The following ADGRG5 variants were observed in gnomAD, a reference collection of about 807,000 sequenced individuals.
ADGRG5 encodes the protein G protein-coupled receptor 114.
In ADGRG5, 37 loss-of-function variants were observed where a neutral mutation model predicts 53.2. The ratio of observed to expected loss-of-function variants is 0.70; its 90% CI spans 0.53 to 0.91. The LOEUF (loss-of-function observed/expected upper bound fraction) is 0.91, where lower values mean the gene tolerates loss of function less well. Ranked by LOEUF, ADGRG5 falls within the 40% of genes least tolerant of loss-of-function variation. ADGRG5 has a pLI of 0.00. For missense variants in ADGRG5, 614 were observed against 675.8 expected (o/e 0.91, Z 1.01); for synonymous variants, 277 against 290.4 (o/e 0.95, Z 0.47).
At chr16:57,547,856 C>A (rs757830684) in intron 1 of ADGRG5, among the ~76,000 whole-genome samples, 1 of 151,682 alleles carries the variant, frequency 6.6e-6, no homozygotes, top group Non-Finnish European at 1.5e-5. Flanking sequence ...CTCAAGCAGT[C>A]CTCTTGCCTC....
At chr16:57,542,972 G>T (rs1245821372) in intron 1 of ADGRG5, 1 of 152,328 alleles carries the variant, frequency 6.6e-6, no homozygotes, top group Non-Finnish European at 1.5e-5. Context: ...TCCCCGCGAG[G>T]TCTGGGACAA....
chr16:57,557,685 A>G (rs2032913415), intron 1 of ADGRG5, among the ~76,000 whole-genome samples: 1 of 152,004 alleles, frequency 6.6e-6, no homozygotes, highest in Non-Finnish European at 1.5e-5. Flanking sequence ...TTATATTTCA[A>G]TTTGGATAAT....
intron 9 of ADGRG5, among the ~76,000 whole-genome samples, chr16:57,569,280 C>G (rs1331401105): frequency 6.6e-6 from 1 of 150,584 alleles, no homozygotes; most frequent in Non-Finnish European, 1.5e-5. Context: ...TCACCTCCAT[C>G]ATCACCTCCT....
At chr16:57,535,789 G>A in the ADGRG5 span, among the ~76,000 whole-genome samples, 1 of 152,132 alleles carries the variant, frequency 6.6e-6, no homozygotes, top group African/African-American at 2.4e-5. Context: ...ATGGGGAGAG[G>A]CACTAAAAAG....
rs1419257822 is a variant in ADGRG5 at position 57,575,077 on chromosome 16, T to C, written c.1471T>C (p.Leu491=). 6.2e-7 allele frequency: 1 copy of C among 1,613,148 alleles called. No homozygotes were observed. Among genetic ancestry groups the C allele is most frequent in the African/African-American group, 1.3e-5 (1 of 75,014 alleles). The change falls in exon 11 of 12, where the codon TTA becomes CTA. Residue 491 remains leucine, a synonymous_variant. Coordinates refer to ENST00000349457, the MANE Select transcript of ADGRG5 (RefSeq NM_001304376.3). ...LLPQLFLFTI[L]NSLYGFFLFL... is the part of the protein sequence containing the mutation. ...GCCCCAGCTGTTCCTCTTCACCATC[T>C]TAAACTCGCTCTACGGTAGGGCTGG...
intron 1 of ADGRG5, among the ~76,000 whole-genome samples, chr16:57,556,222 A>C (rs1394210183): frequency 6.6e-6 from 1 of 152,154 alleles, no homozygotes; most frequent in Admixed American, 6.5e-5. Flanking sequence ...TGTTTCTTGA[A>C]GACAGTATGT....
intron 1 of ADGRG5, among the ~76,000 whole-genome samples, chr16:57,557,045 G>C (rs1213452624): frequency 6.6e-6 from 1 of 151,624 alleles, no homozygotes; most frequent in Non-Finnish European, 1.5e-5. Flanking sequence ...GAATAGCTGG[G>C]ACTACAGGTG....
At chr16:57,552,185 G>A (rs2032772160) in intron 1 of ADGRG5, among the ~76,000 whole-genome samples, 1 of 152,154 alleles carries the variant, frequency 6.6e-6, no homozygotes, top group African/African-American at 2.4e-5. Context: ...AGGATTTTCA[G>A]GATGTTAAAT....
rs1284407499 is a variant in ADGRG5 at position 57,574,733 on chromosome 16, G to A, written c.1209-82G>A. The A allele has an allele frequency of 1.1e-5, 15 of 1,422,200 alleles. No homozygotes were observed. The highest frequency in any genetic ancestry group is 4.2e-5 in the South Asian group (3 of 71,180). 88.1% of individuals were successfully genotyped at this position (1,422,200 alleles called of 1,614,324 possible). ...ACAATAGGGCCTGAGCCAGGAGACC[G>A]AGTGGGGCTTCAGGGAGTGATGCTG... On this transcript the variant is annotated intron_variant, in intron 10 of 11. Coordinates refer to ENST00000349457, the MANE Select transcript of ADGRG5 (RefSeq NM_001304376.3). The surrounding 1 kb of genome is among the most constrained non-coding windows in gnomAD (Gnocchi z 4.4).
chr16:57,545,837 A>G (rs4784826), intron 1 of ADGRG5, among the ~76,000 whole-genome samples: 1 of 151,902 alleles, frequency 6.6e-6, no homozygotes, highest in Non-Finnish European at 1.5e-5. Context: ...ATTTATTTTT[A>G]TTTTTTGAGA....
At position 57,566,690 on chromosome 16, in the gene ADGRG5, A is replaced by T. The variant is rs1225122247; in HGVS notation, c.638A>T (p.Gln213Leu). Reference protein sequence around the residue: ...GWSPEGCRTEQPSHSQVLCRC... With the variant: ...GWSPEGCRTELPSHSQVLCRC... Reference sequence around the variant, plus strand: ...AGCCCTGAGGGCTGTCGTACAGAGCAGCCCTCCCACTCTCAGGTGCTCTGC... The same window carrying T: ...AGCCCTGAGGGCTGTCGTACAGAGCTGCCCTCCCACTCTCAGGTGCTCTGC... The change falls in exon 7 of 12, where the codon CAG (glutamine) becomes CTG (leucine). Residue 213 changes from glutamine to leucine, a missense_variant. Coordinates refer to ENST00000349457, the MANE Select transcript of ADGRG5 (RefSeq NM_001304376.3). 2 of 1,592,542 alleles carry T rather than the reference A, an allele frequency of 1.3e-6. No individual in the cohort carries two copies. The highest frequency in any genetic ancestry group is 1.7e-6 in the Non-Finnish European group (2 of 1,170,536).
chr16:57,571,586 C>T (rs910873423), intron 10 of ADGRG5, among the ~76,000 whole-genome samples: 1 of 152,168 alleles, frequency 6.6e-6, no homozygotes, highest in Non-Finnish European at 1.5e-5. Context: ...TCATCCCCAA[C>T]CTACAGATGA....
At chr16:57,569,132 TCACCTCCTCCACCTCCATCAC>T (rs1446362793) in intron 9 of ADGRG5, among the ~76,000 whole-genome samples, 2 of 97,920 alleles carry the variant, frequency 2.0e-5, no homozygotes, top group African/African-American at 4.0e-5. Flanking sequence ...ACCACCATGA[TCACCTCCTCCACCTCCATCAC>T]CACCTCCTCC....
rs752581765 is a variant in ADGRG5, at chr16:57,566,660, G to C, written c.608G>C (p.Gly203Ala). Reference sequence around the variant, plus strand: ...GGAGCCAGGAAACAGCCCTGGGGGGGCTGGAGCCCTGAGGGCTGTCGTACA... The same window carrying C: ...GGAGCCAGGAAACAGCCCTGGGGGGCCTGGAGCCCTGAGGGCTGTCGTACA... ...KEGARKQPWG[G>A]WSPEGCRTEQ... The change falls in exon 7 of 12, where the codon GGC becomes GCC. Residue 203 changes from glycine to alanine, a missense_variant. Gly to Ala is a moderately conservative substitution (Grantham distance 60, BLOSUM62 0). Transcript: ENST00000349457. The C allele has an allele frequency of 1.3e-6, 2 of 1,591,934 alleles. No individual in the cohort carries two copies. The highest frequency in any genetic ancestry group is 1.7e-6 in the Non-Finnish European group (2 of 1,169,908).
At position 57,562,477 on chromosome 16, in the gene ADGRG5, C is replaced by T. The variant is rs777563248; in HGVS notation, c.140+18C>T. 3.8e-6 allele frequency: 6 copies of T among 1,563,076 alleles called. No homozygotes were observed. The highest frequency in any genetic ancestry group is 5.2e-6 in the Non-Finnish European group (6 of 1,146,354). On this transcript the variant is annotated intron_variant, in intron 3 of 11. Coordinates refer to ENST00000349457, the MANE Select transcript of ADGRG5 (RefSeq NM_001304376.3). ...TCCTCTCGGTGAGTTGGATGTGCCT[C>T]CCACCCCAAGCCTGCACCTTGAATC...
rs1292459905 is a variant in ADGRG5, at chr16:57,566,644, A to G, written c.592A>G (p.Lys198Glu). 1 of 1,584,972 alleles carries G rather than the reference A, an allele frequency of 6.3e-7. No individual in the cohort carries two copies. Among genetic ancestry groups the G allele is most frequent in the Admixed American group, 1.8e-5 (1 of 54,590 alleles). The part of the protein sequence containing the change: ...TCVFWKEGAR[K>E]QPWGGWSPEG... The stretch of plus-strand genomic sequence containing the variant: ...TGTCTTCTGGAAGGAGGGAGCCAGG[A>G]AACAGCCCTGGGGGGGCTGGAGCCC... Residue 198 changes from lysine (K) to glutamate (E), a missense_variant, in exon 7 of 12, where the codon AAA (lysine) becomes GAA (glutamate). Lys to Glu is a moderately conservative substitution (Grantham distance 56). Transcript: ENST00000349457.
rs778560540 is a variant in ADGRG5 at position 57,564,994 on chromosome 16, A to C, written c.430-40A>C. On this transcript the variant is annotated intron_variant, in intron 5 of 11. Coordinates refer to ENST00000349457, the MANE Select transcript of ADGRG5 (RefSeq NM_001304376.3). ...CTCAGACCTTACCCAGGGCCTCCCC[A>C]TTTCCCCTCCACTCAGCCCTTCTCC... 12 of 1,261,268 alleles carry C rather than the reference A, an allele frequency of 9.5e-6. No individual in the cohort carries two copies. The East Asian group carries it at 2.8e-4, about 29-fold the overall frequency. The allele number at this position is 1,261,268 out of a possible 1,614,324, so 78.1% of individuals were successfully genotyped here.
chr16:57,565,314 T>C (rs1459707169), intron 6 of ADGRG5, 164 bp downstream of exon 6: 1 of 639,512 alleles, frequency 1.6e-6, no homozygotes, highest in Non-Finnish European at 2.8e-6. Flanking sequence ...TTTTTACTCA[T>C]GCATTTGTCA....
rs540182656 is a variant in ADGRG5, at chr16:57,565,147, C to T, written c.543C>T (p.Ser181=). The T allele has an allele frequency of 4.4e-6, 7 of 1,602,546 alleles. No homozygotes were observed. The highest frequency in any genetic ancestry group is 6.0e-6 in the Non-Finnish European group (7 of 1,169,530). Residue 181 remains serine (S), a synonymous_variant, in exon 6 of 12, where the codon AGC becomes AGT. Transcript: ENST00000349457. ...ACATCAGCTTCTGGCACAACCAAAG[C>T]CTGGTACTGCTGGGGGCGCCCCCGT... ...PVNISFWHNQ[S]LEGYTLTCVF... is the part of the protein sequence containing the mutation.
Sources: allele counts gnomAD v4.1 joint callset (sites outside exome capture counted in the v4.1 genomes callset), GRCh38; gene constraint gnomAD v4.1.1; non-coding constraint Gnocchi (gnomAD v3.1); transcripts MANE v1.5; gene names NCBI Gene and HGNC (gene_info 2026-07-23, HGNC 2026-07-21).